The following SPECC1L variants were observed in gnomAD, a reference collection of about 807,000 sequenced individuals.
The protein encoded by SPECC1L is sperm antigen with calponin homology and coiled-coil domains 1 like, also known as cytospin-A.
SPECC1L carries 40 observed loss-of-function variants against 116.8 expected under a neutral mutation model. That is an observed-to-expected ratio of 0.34 (90% CI 0.27 to 0.45). SPECC1L has a LOEUF of 0.45. Ranked by LOEUF, SPECC1L falls within the 20% of genes least tolerant of loss-of-function variation. The pLI is 1.00. For missense variants in SPECC1L, 1,110 were observed against 1,373.6 expected (o/e 0.81, Z 3.03); for synonymous variants, 504 against 500.6 (o/e 1.01, Z -0.09).
intron 2 of SPECC1L, among the ~76,000 whole-genome samples, chr22:24,295,951 A>T (rs1251844182): frequency 6.6e-6 from 1 of 152,216 alleles, no homozygotes; most frequent in Non-Finnish European, 1.5e-5. Context: ...TTCATCTCAA[A>T]AACAAAAAGT....
intron 10 of SPECC1L, among the ~76,000 whole-genome samples, chr22:24,344,358 T>A (rs2041245878): frequency 6.6e-6 from 1 of 151,676 alleles, no homozygotes; most frequent in Admixed American, 6.6e-5. Flanking sequence ...AAAAAAACAT[T>A]AATCTCAACG....
At chr22:24,294,682 C>T (rs2049224646) in intron 2 of SPECC1L, among the ~76,000 whole-genome samples, 1 of 152,130 alleles carries the variant, frequency 6.6e-6, no homozygotes, top group East Asian at 1.9e-4. Context: ...TGGGGCCGGC[C>T]TGTCCTAGTC....
chr22:24,340,977 G>A (rs7290102), intron 10 of SPECC1L, among the ~76,000 whole-genome samples: 5,121 of 152,198 alleles, frequency 0.034, 175 homozygotes, highest in African/African-American at 0.082. Context: ...GACATTGTAC[G>A]TAACTGTGAT....
rs539278756 is a variant in SPECC1L, at chr22:24,406,139, G to A, written c.3088-5449G>A. 4.1e-4 allele frequency among the ~76,000 whole-genome samples: 63 copies of A among 152,302 alleles called. 3 individuals are homozygous for A. The South Asian group carries it at 0.012, about 29-fold the overall frequency. On this transcript the variant is annotated intron_variant, in intron 14 of 16. Transcript: ENST00000314328. ...CATAAGTTCCAGGGGCCACCAATCC[G>A]CAGGCAGATTCACCTGTTGCCACCT...
At chr22:24,314,726 G>A (rs2040527484) in intron 4 of SPECC1L, among the ~76,000 whole-genome samples, 1 of 152,178 alleles carries the variant, frequency 6.6e-6, no homozygotes, top group African/African-American at 2.4e-5. Context: ...AAATGGCATT[G>A]GAGCCTTATG....
chr22:24,313,471 C>T lies in SPECC1L; in HGVS notation c.307+5C>T, dbSNP rs747115931. On this transcript the variant is annotated splice_donor_5th_base_variant and intron_variant, in intron 4 of 16. Transcript: ENST00000314328. ...ACAAATCCAAGATTAGCACAGGTAA[C>T]GGTGACATTCAGTCTGAGACTTCAA... The T allele has an allele frequency of 1.1e-5, 17 of 1,613,602 alleles. No homozygotes were observed. Among genetic ancestry groups the T allele is most frequent in the Non-Finnish European group, 1.3e-5 (15 of 1,179,984 alleles).
rs144688065 is a variant in SPECC1L at position 24,411,978 on chromosome 22, G to C, written c.3204+274G>C. ...CCTGAGTGACTACATTTAGGATGAA[G>C]AGCTTCACCAGGAGGGGCCCAAGAA... On this transcript the variant is annotated intron_variant, in intron 15 of 16. Transcript: ENST00000314328. Among the ~76,000 whole-genome samples the C allele has an allele frequency of 5.3e-5, 8 of 152,364 alleles. No homozygotes were observed. In the East Asian group the frequency reaches 1.5e-3, roughly 29 times the overall value.
intron 2 of SPECC1L, among the ~76,000 whole-genome samples, chr22:24,278,000 A>T (rs950373587): frequency 6.6e-6 from 1 of 152,202 alleles, no homozygotes; most frequent in Non-Finnish European, 1.5e-5. Context: ...AATTCTGTGT[A>T]TGAGGATTCC....
intron 16 of SPECC1L, among the ~76,000 whole-genome samples, chr22:24,413,496 C>T (rs980108254): frequency 3.9e-5 from 6 of 152,288 alleles, no homozygotes; most frequent in South Asian, 2.1e-4. Context: ...TCCCCATCCC[C>T]GTGCCCCCAG....
chr22:24,369,980 C>T (rs1184456812), intron 14 of SPECC1L, among the ~76,000 whole-genome samples: 1 of 152,250 alleles, frequency 6.6e-6, no homozygotes, highest in Admixed American at 6.5e-5. Context: ...CCCCAGCTTG[C>T]AGCTGGTACT....
Position 24,322,598 on chromosome 22 carries a change from C to A in SPECC1L, c.1618C>A (p.Arg540Ser), listed in dbSNP as rs200567922. 6.2e-7 allele frequency: 1 copy of A among 1,614,124 alleles called. No individual in the cohort carries two copies. Among genetic ancestry groups the A allele is most frequent in the Admixed American group, 1.7e-5 (1 of 60,018 alleles). ...AGAAATGATAGGGGCACTCAAAGAA[C>A]GCAGTCACCATATGGAGCGAATTAT... Reference protein sequence around the residue: ...AQEMIGALKERSHHMERIIES... With the variant: ...AQEMIGALKESSHHMERIIES... Residue 540 changes from arginine (R) to serine (S), a missense_variant, in exon 5 of 17, where the codon CGC becomes AGC. By Grantham distance (110) the Arg-to-Ser change is moderately radical (BLOSUM62 -1). Around this residue, in one of 4 missense-constraint regions of SPECC1L, gnomAD observed 575 missense variants for 682.4 expected, o/e 0.84. Coordinates refer to ENST00000314328, the MANE Select transcript of SPECC1L (RefSeq NM_015330.6).
At chr22:24,275,621 A>G (rs1431805609) in intron 1 of SPECC1L, among the ~76,000 whole-genome samples, 1 of 151,756 alleles carries the variant, frequency 6.6e-6, no homozygotes, top group East Asian at 1.9e-4. Flanking sequence ...TTAAATTTCA[A>G]CTTTGTCTAT....
intron 1 of SPECC1L, among the ~76,000 whole-genome samples, chr22:24,276,487 G>A (rs8136054): frequency 0.036 from 5,429 of 152,262 alleles, 324 homozygotes; most frequent in African/African-American, 0.12. Context: ...TAGCCATTAT[G>A]CTGGACCCAG....
chr22:24,394,321 G>C (rs1004456601), intron 14 of SPECC1L, among the ~76,000 whole-genome samples: 1 of 152,196 alleles, frequency 6.6e-6, no homozygotes, highest in African/African-American at 2.4e-5. Context: ...CCAGGTTGCA[G>C]ACTGCCATCT....
chr22:24,390,317 TC>T (rs1469031029), intron 14 of SPECC1L, among the ~76,000 whole-genome samples: 1 of 152,118 alleles, frequency 6.6e-6, no homozygotes, highest in Non-Finnish European at 1.5e-5. Context: ...TGGGAGTTCT[TC>T]CAGTAGACAG....
intron 14 of SPECC1L, among the ~76,000 whole-genome samples, chr22:24,401,992 ACCTCGGCCGCCTGCCCTG>A (rs1360356898): frequency 7.2e-5 from 11 of 151,814 alleles, no homozygotes; most frequent in Admixed American, 2.0e-4. Flanking sequence ...CGCCTGCCCT[ACCTCGGCCGCCTGCCCTG>A]CCTCCTTCTT....
chr22:24,360,569 A>G (rs1310492364), intron 11 of SPECC1L, among the ~76,000 whole-genome samples: 3 of 151,360 alleles, frequency 2.0e-5, no homozygotes, highest in African/African-American at 7.3e-5. Context: ...TTTTTTTTGC[A>G]ATTGTGCTTA....
intron 2 of SPECC1L, among the ~76,000 whole-genome samples, chr22:24,295,709 TG>T (rs1333201366): frequency 6.6e-6 from 1 of 152,098 alleles, no homozygotes. Flanking sequence ...CTCAGCACTT[TG>T]GGAGGCCGAG....
intron 15 of SPECC1L, chr22:24,412,185 A>G: frequency 2.9e-6 from 1 of 347,124 alleles, no homozygotes; most frequent in South Asian, 2.4e-5. Context: ...TTCCTTGGGG[A>G]CAGGGTCAGG....
Sources: gnomAD v4.1 joint callset for allele counts (sites outside exome capture counted in the v4.1 genomes callset) on GRCh38, gnomAD v4.1.1 for gene constraint, gnomAD v4.1.1 regional missense constraint, MANE v1.5 for transcripts, NCBI Gene and HGNC (gene_info 2026-07-23, HGNC 2026-07-21) for gene names.